ZNF431: variants seen among roughly 807,000 people sequenced by gnomAD.
ZNF431 encodes zinc finger protein 431.
ZNF431 carries 34 observed loss-of-function variants against 57.0 expected under a neutral mutation model. That is an observed-to-expected ratio of 0.60 (90% CI 0.45 to 0.79). The LOEUF is 0.79. ZNF431 is among the 30% of genes least tolerant of loss of function. The pLI is 0.00. For synonymous variants in ZNF431, 207 were observed against 220.3 expected (o/e 0.94, Z 0.54); for missense variants, 607 against 667.1 (o/e 0.91, Z 0.99).
At chr19:21,173,312 A>AT (rs59345830) in intron 4 of ZNF431, among the ~76,000 whole-genome samples, 24,706 of 152,112 alleles carry the variant, frequency 0.16, 2,274 homozygotes, top group African/African-American at 0.25. Context: ...TAAGAGTGGG[A>AT]TTGCTGTATT....
rs1388327467 is a variant in ZNF431, at chr19:21,151,827, T to C, written c.96+8184T>C. Among the ~76,000 whole-genome samples, 6 of 152,276 alleles carry C rather than the reference T, an allele frequency of 3.9e-5. No homozygotes were observed. In the East Asian group the frequency reaches 5.8e-4, roughly 15 times the overall value. On this transcript the variant is annotated intron_variant, in intron 2 of 4. Coordinates refer to ENST00000311048, the MANE Select transcript of ZNF431 (RefSeq NM_133473.4). ...CTTAAGACTAACCTCACAAATGCAT[T>C]CCCATATTAATTAGAACTTTACATA...
At chr19:21,163,362 A>G (rs1300606694) in intron 2 of ZNF431, among the ~76,000 whole-genome samples, 1 of 152,240 alleles carries the variant, frequency 6.6e-6, no homozygotes, top group Non-Finnish European at 1.5e-5. Flanking sequence ...AGCTGAGTGT[A>G]AGGGACTCTG....
rs559353573 is a variant in ZNF431 at position 21,143,252 on chromosome 19, AT to A, written c.4-298del. Among the ~76,000 whole-genome samples, 456 of 152,240 alleles carry A rather than the reference AT, an allele frequency of 3.0e-3. 3 individuals carry two copies. The highest frequency in any genetic ancestry group is 0.014 in the Middle Eastern group (4 of 294). The stretch of plus-strand genomic sequence containing the variant: ...TTTTTTAAAAGATTTTTTAAAAAAA[AT>A]ATCTGTAAATATTTCCCATGAGAAG... On this transcript the variant is annotated intron_variant, in intron 1 of 4. Coordinates refer to ENST00000311048, the MANE Select transcript of ZNF431 (RefSeq NM_133473.4).
In ZNF431 at chr19:21,188,688, A is replaced by G. The variant is rs962281773; in HGVS notation, c.*4654A>G. The G allele has an allele frequency of 2.2e-4, 33 of 152,122 alleles. No homozygotes were observed. Among genetic ancestry groups the G allele is most frequent in the African/African-American group, 7.2e-4 (30 of 41,434 alleles). The allele number at this position is 152,122 out of a possible 1,614,324, so 9.4% of individuals were successfully genotyped here. A position where few individuals can be genotyped will look rare whatever the true frequency, so the allele number is the denominator to read the frequency against. ...ATTTTTAGTCACCAAACTGTAGCCA[A>G]CTCTTGGGTCATTTTCTCTGAAAAA... On this transcript the variant is annotated 3_prime_UTR_variant, in exon 5 of 5. Transcript: ENST00000311048.
At chr19:21,163,957 T>C (rs1002094791) in intron 2 of ZNF431, among the ~76,000 whole-genome samples, 1 of 151,536 alleles carries the variant, frequency 6.6e-6, no homozygotes, top group African/African-American at 2.4e-5. Context: ...GGTGTGTGTC[T>C]GTAATCCCAG....
rs954334763 is a variant in ZNF431, at chr19:21,185,919, T to C, written c.*1885T>C. 1.3e-5 allele frequency: 2 copies of C among 152,190 alleles called. No homozygotes were observed. Among genetic ancestry groups the C allele is most frequent in the African/African-American group, 4.8e-5 (2 of 41,454 alleles). The allele number at this position is 152,190 out of a possible 1,614,324, so 9.4% of individuals were successfully genotyped here. A position where few individuals can be genotyped will look rare whatever the true frequency, so the allele number is the denominator to read the frequency against. ...ACAATTAAATTTTTATTTACCACAGTGTTATTTTTATCGTCATAATAAAAA... is the reference window on the plus strand; with the variant it reads ...ACAATTAAATTTTTATTTACCACAGCGTTATTTTTATCGTCATAATAAAAA... On this transcript the variant is annotated 3_prime_UTR_variant, in exon 5 of 5. Transcript: ENST00000311048.
intron 2 of ZNF431, chr19:21,150,014 G>A: frequency 1.7e-6 from 1 of 589,898 alleles, no homozygotes; most frequent in African/African-American, 1.9e-5. Flanking sequence ...CACCAAGGTG[G>A]TGACAGTGTT....
intron 1 of ZNF431, among the ~76,000 whole-genome samples, chr19:21,143,151 T>C (rs1262731996): frequency 6.6e-6 from 1 of 152,198 alleles, no homozygotes; most frequent in Non-Finnish European, 1.5e-5. Context: ...TATCGCCTAT[T>C]TGTCTTTTAG....
At chr19:21,173,390 T>C (rs936383594) in intron 4 of ZNF431, among the ~76,000 whole-genome samples, 3 of 152,262 alleles carry the variant, frequency 2.0e-5, no homozygotes, top group African/African-American at 7.2e-5. Context: ...GCTTCCTTCT[T>C]TTCTACCAAC....
chr19:21,143,366 CAG>C (rs1448663231), intron 1 of ZNF431, among the ~76,000 whole-genome samples, 183 bp from the exon 2 acceptor site: 2 of 152,132 alleles, frequency 1.3e-5, no homozygotes, highest in African/African-American at 4.8e-5. Flanking sequence ...GAGATCTTGT[CAG>C]AATGTTTTTC....
intron 2 of ZNF431, among the ~76,000 whole-genome samples, chr19:21,145,186 T>TAAC (rs1970048136): frequency 6.6e-6 from 1 of 152,164 alleles, no homozygotes. Context: ...AAGGAGGTTA[T>TAAC]GAAAGGCCCA....
intron 4 of ZNF431, among the ~76,000 whole-genome samples, chr19:21,179,535 G>A (rs550204129): frequency 6.7e-6 from 1 of 150,352 alleles, no homozygotes; most frequent in African/African-American, 2.4e-5. Flanking sequence ...TGCTTTAGCT[G>A]TGTTCCAGAG....
At chr19:21,167,404 C>A (rs1392583313) in intron 3 of ZNF431, among the ~76,000 whole-genome samples, 167 bp from the exon 4 acceptor site, 1 of 152,142 alleles carries the variant, frequency 6.6e-6, no homozygotes, top group African/African-American at 2.4e-5. Context: ...GGTGATCTGT[C>A]CGTCTCGGCC....
chr19:21,167,946 G>A (rs963979882), intron 4 of ZNF431, among the ~76,000 whole-genome samples: 11 of 152,178 alleles, frequency 7.2e-5, no homozygotes, highest in Admixed American at 4.6e-4. Flanking sequence ...GACTGTCATG[G>A]CATATAATCT....
rs1412574586 is a variant in ZNF431 at position 21,185,505 on chromosome 19, G to A, written c.*1471G>A. On this transcript the variant is annotated 3_prime_UTR_variant, in exon 5 of 5. Transcript: ENST00000311048. ...AGACTGAGTTTCACTCTTTCGCCCAGGCTGGAGTGCATTGGCATGATCTCA... is the reference window on the plus strand; with the variant it reads ...AGACTGAGTTTCACTCTTTCGCCCAAGCTGGAGTGCATTGGCATGATCTCA... The A allele has an allele frequency of 1.3e-5, 2 of 152,198 alleles. No homozygotes were observed. Among genetic ancestry groups the A allele is most frequent in the Non-Finnish European group, 2.9e-5 (2 of 68,078 alleles). 9.4% of individuals were successfully genotyped at this position (152,198 alleles called of 1,614,324 possible). A position where few individuals can be genotyped will look rare whatever the true frequency, so the allele number is the denominator to read the frequency against.
rs141748860 is a variant in ZNF431, at chr19:21,145,739, C to T, written c.96+2096C>T. Among the ~76,000 whole-genome samples the T allele has an allele frequency of 2.6e-3, 390 of 152,096 alleles. 2 individuals are homozygous for T. The highest frequency in any genetic ancestry group is 8.8e-3 in the African/African-American group (365 of 41,498). ...GTTAGATTTATGTAAAAAAAAATTC[C>T]GAAAGAGTATTGCAACAGGAAGAAG... is the stretch of plus-strand genomic sequence containing the variant. On this transcript the variant is annotated intron_variant, in intron 2 of 4. Transcript: ENST00000311048.
intron 3 of ZNF431, among the ~76,000 whole-genome samples, chr19:21,166,910 C>T (rs943946734): frequency 1.4e-4 from 22 of 152,138 alleles, no homozygotes; most frequent in Middle Eastern, 3.4e-3. Context: ...TCACCCAGGC[C>T]GGAGTGCAAT....
At chr19:21,153,580 CAT>C (rs1180448506) in intron 2 of ZNF431, among the ~76,000 whole-genome samples, 3 of 152,198 alleles carry the variant, frequency 2.0e-5, no homozygotes, top group Admixed American at 6.5e-5. Flanking sequence ...TTTTCTTTGT[CAT>C]ATACATTTCT....
rs1173225952 is a variant in ZNF431, at chr19:21,189,776, CT to C, written c.*5745del. On this transcript the variant is annotated 3_prime_UTR_variant, in exon 5 of 5. Transcript: ENST00000311048. ...GTAAGTGAAATTATGAGACACTAAT[CT>C]TTCTGTGCCTTGCTTATCCCAACTA... 5.1e-6 allele frequency: 2 copies of C among 395,924 alleles called. No homozygotes were observed. The highest frequency in any genetic ancestry group is 4.4e-5 in the Admixed American group (1 of 22,650). The allele number at this position is 395,924 out of a possible 1,614,324, so 24.5% of individuals were successfully genotyped here.
Sources: gnomAD v4.1 joint callset for allele counts (sites outside exome capture counted in the v4.1 genomes callset) on GRCh38, gnomAD v4.1.1 for gene constraint, MANE v1.5 for transcripts, NCBI Gene and HGNC (gene_info 2026-07-23, HGNC 2026-07-21) for gene names.